CFAP299: variants seen among roughly 807,000 people sequenced by gnomAD.
CFAP299 encodes the protein cilia- and flagella-associated protein 299.
CFAP299 carries 21 observed loss-of-function variants against 27.0 expected under a neutral mutation model. That is an observed-to-expected ratio of 0.78 (90% CI 0.55 to 1.12). The LOEUF is 1.12. CFAP299 is among the 50% of genes most tolerant of loss of function. CFAP299 has a pLI of 0.00. For synonymous variants in CFAP299, 104 were observed against 98.1 expected, an observed-to-expected ratio of 1.06 and a Z score of -0.36; for missense variants, 310 against 276.6, an observed-to-expected ratio of 1.12 and a Z score of -0.86.
intron 3 of CFAP299, among the ~76,000 whole-genome samples, chr4:80,774,418 G>A (rs1726404139): frequency 6.6e-6 from 1 of 151,792 alleles, no homozygotes; most frequent in South Asian, 2.1e-4. Flanking sequence ...CCAGTGGCAT[G>A]TATCAATTTA....
chr4:80,888,269 G>A (rs1226485170), intron 4 of CFAP299, among the ~76,000 whole-genome samples: 1 of 151,944 alleles, frequency 6.6e-6, no homozygotes, highest in African/African-American at 2.4e-5. Context: ...GATACAGATA[G>A]ACTGAAAATA....
At chr4:80,874,952 A>T (rs887307951) in intron 4 of CFAP299, among the ~76,000 whole-genome samples, 6 of 152,222 alleles carry the variant, frequency 3.9e-5, no homozygotes, top group Non-Finnish European at 7.3e-5. Context: ...TTATTATTTC[A>T]TGTTAAAATA....
At chr4:80,732,207 G>C (rs984764018) in intron 3 of CFAP299, among the ~76,000 whole-genome samples, 8 of 151,954 alleles carry the variant, frequency 5.3e-5, no homozygotes, top group Admixed American at 2.6e-4. Context: ...CAGTTTCATG[G>C]TTTTCCCTCA....
intron 4 of CFAP299, among the ~76,000 whole-genome samples, chr4:80,912,404 T>C (rs1281358342): frequency 6.6e-6 from 1 of 152,100 alleles, no homozygotes; most frequent in East Asian, 1.9e-4. Context: ...CTGCATGGCC[T>C]AAGAGAGACC....
chr4:80,475,673 A>G (rs1397950953), intron 2 of CFAP299, among the ~76,000 whole-genome samples: 1 of 152,236 alleles, frequency 6.6e-6, no homozygotes, highest in African/African-American at 2.4e-5. Flanking sequence ...ATGGTAGTCC[A>G]CTGTTGATAT....
intron 3 of CFAP299, among the ~76,000 whole-genome samples, chr4:80,651,023 TA>T (rs533516535): frequency 1.3e-5 from 2 of 152,040 alleles, no homozygotes; most frequent in East Asian, 1.9e-4. Flanking sequence ...TAAAAAAAAT[TA>T]AAAAAATATT....
chr4:80,393,146 A>C (rs1725584933), intron 2 of CFAP299, among the ~76,000 whole-genome samples: 1 of 152,204 alleles, frequency 6.6e-6, no homozygotes, highest in Admixed American at 6.5e-5. Flanking sequence ...TAAAAGCAAA[A>C]AATAAAATAC....
intron 5 of CFAP299, among the ~76,000 whole-genome samples, chr4:80,949,002 G>T (rs1031924296): frequency 6.6e-6 from 1 of 152,160 alleles, no homozygotes; most frequent in East Asian, 1.9e-4. Flanking sequence ...GATTTTGTAG[G>T]AACTATGCAG....
rs376258441 is a variant in CFAP299 at position 80,869,058 on chromosome 4, C to T, written c.334-935C>T. ...AATATTGAGAATTATAGCTCATGTT[C>T]TTGTTTAAGGAGGCGCAGCCTTGCT... On this transcript the variant is annotated intron_variant, in intron 3 of 5. Coordinates refer to ENST00000358105, the MANE Select transcript of CFAP299 (RefSeq NM_152770.3). 1.9e-3 allele frequency among the ~76,000 whole-genome samples: 282 copies of T among 151,954 alleles called. 1 individual carries two copies. The highest frequency in any genetic ancestry group is 6.8e-3 in the Middle Eastern group (2 of 294).
chr4:80,537,347 A>G lies in CFAP299; in HGVS notation c.243-45746A>G, dbSNP rs184175185. 3.1e-3 allele frequency among the ~76,000 whole-genome samples: 470 copies of G among 152,238 alleles called. 3 individuals carry two copies. Among genetic ancestry groups the G allele is most frequent in the Middle Eastern group, 6.8e-3 (2 of 294 alleles). ...ACAATTCACTTCTGGGAATATGTCC[A>G]AAGGAAATGATATCAATGTCAAAGA... is the stretch of plus-strand genomic sequence containing the variant. On this transcript the variant is annotated intron_variant, in intron 2 of 5. Coordinates refer to ENST00000358105, the MANE Select transcript of CFAP299 (RefSeq NM_152770.3).
intron 2 of CFAP299, among the ~76,000 whole-genome samples, chr4:80,554,045 C>G (rs1243282935): frequency 6.6e-6 from 1 of 151,988 alleles, no homozygotes; most frequent in Non-Finnish European, 1.5e-5. Flanking sequence ...CTTTTGGCAT[C>G]TTTGTCAGGA....
chr4:80,847,286 CTAGCAAGAAGGTACT>C (rs1429963455), intron 3 of CFAP299, among the ~76,000 whole-genome samples: 1 of 152,178 alleles, frequency 6.6e-6, no homozygotes, highest in Non-Finnish European at 1.5e-5. Flanking sequence ...GTATAAAACT[CTAGCAAGAAGGTACT>C]TATTCCCTTG....
chr4:80,599,804 T>C (rs762451846), intron 3 of CFAP299, among the ~76,000 whole-genome samples: 7 of 152,144 alleles, frequency 4.6e-5, no homozygotes, highest in Non-Finnish European at 7.4e-5. Flanking sequence ...GGATCATTTA[T>C]TTTTGAAATA....
intron 2 of CFAP299, among the ~76,000 whole-genome samples, chr4:80,493,742 CTT>C (rs966953524): frequency 2.2e-5 from 3 of 137,898 alleles, no homozygotes; most frequent in African/African-American, 7.8e-5. Context: ...ATATCTGTCT[CTT>C]TTCTATCTCA....
rs528246444 is a variant in CFAP299, at chr4:80,405,922, A to G, written c.242+43038A>G. Among the ~76,000 whole-genome samples, 6 of 152,260 alleles carry G rather than the reference A, an allele frequency of 3.9e-5. No individual in the cohort carries two copies. In the South Asian group the frequency reaches 8.3e-4, roughly 21 times the overall value. The stretch of plus-strand genomic sequence containing the variant: ...GATATAGTTATTAGATACAGCCATG[A>G]CAGTAGTTATTAATGATACCAACTC... On this transcript the variant is annotated intron_variant, in intron 2 of 5. Transcript: ENST00000358105.
At chr4:80,598,546 T>G (rs1008837696) in intron 3 of CFAP299, among the ~76,000 whole-genome samples, 45 of 152,222 alleles carry the variant, frequency 3.0e-4, no homozygotes, top group Admixed American at 1.0e-3. Context: ...GGTGTTTTCA[T>G]GTTATTCAGA....
chr4:80,631,222 C>T (rs1739187106), intron 3 of CFAP299, among the ~76,000 whole-genome samples: 1 of 151,866 alleles, frequency 6.6e-6, no homozygotes, highest in Non-Finnish European at 1.5e-5. Context: ...AATAAGTAAC[C>T]TTTATCATTA....
Position 80,561,746 on chromosome 4 carries a change from T to A in CFAP299, c.243-21347T>A, listed in dbSNP as rs144753135. Among the ~76,000 whole-genome samples, 771 of 151,944 alleles carry A rather than the reference T, an allele frequency of 5.1e-3. 5 individuals carry two copies. The highest frequency in any genetic ancestry group is 0.02 in the Middle Eastern group (6 of 294). On this transcript the variant is annotated intron_variant, in intron 2 of 5. Transcript: ENST00000358105. Reference sequence around the variant, plus strand: ...TAGAGAGCTTTGAAGAAAGCCTATTTGAAAATACACGGTCAGAGGAGACAA... The same window carrying A: ...TAGAGAGCTTTGAAGAAAGCCTATTAGAAAATACACGGTCAGAGGAGACAA...
intron 4 of CFAP299, among the ~76,000 whole-genome samples, chr4:80,921,009 T>C (rs908766816): frequency 6.6e-6 from 1 of 152,072 alleles, no homozygotes; most frequent in African/African-American, 2.4e-5. Context: ...GCTAAATGCA[T>C]GTTTGTTGCC....
Sources: allele counts gnomAD v4.1 joint callset (sites outside exome capture counted in the v4.1 genomes callset), GRCh38; gene constraint gnomAD v4.1.1; transcripts MANE v1.5; gene names NCBI Gene and HGNC (gene_info 2026-07-23, HGNC 2026-07-21).